Variants in ZDBF2 observed in about 807,000 individuals in gnomAD.
ZDBF2 encodes the protein DBF4-type zinc finger-containing protein 2.
In ZDBF2, 6 loss-of-function variants were observed where a neutral mutation model predicts 9.4. The ratio of observed to expected loss-of-function variants is 0.64; its 90% confidence interval spans 0.35 to 1.27. The LOEUF (loss-of-function observed/expected upper bound fraction) is 1.27. ZDBF2 is among the 50% of genes most tolerant of loss of function. The pLI is 0.03. For synonymous variants in ZDBF2, 905 were observed against 946.3 expected (o/e 0.96, Z 0.80); for missense variants, 2,697 against 2,766.8 (o/e 0.97, Z 0.57).
intron 3 of ZDBF2, among the ~76,000 whole-genome samples, chr2:206,286,462 C>G (rs1259349890): frequency 6.6e-6 from 1 of 151,730 alleles, no homozygotes; most frequent in Non-Finnish European, 1.5e-5. Context: ...GACTTAAAGT[C>G]TGTTTTATCT....
In ZDBF2 at chr2:206,310,717, T is replaced by G. The variant is rs781140132; in HGVS notation, c.6189T>G (p.Ser2063Arg). The G allele has an allele frequency of 6.2e-7, 1 of 1,613,642 alleles. No individual in the cohort carries two copies. The highest frequency in any genetic ancestry group is 8.5e-7 in the Non-Finnish European group (1 of 1,179,834). ...YEPLIKQIVI[S>R]PPLSVIVPEF... ...CCTTGATTAAGCAAATTGTAATTAG[T>G]CCTCCCCTGAGTGTAATAGTACCAG... Residue 2063 changes from serine (S) to arginine (R), a missense_variant, in exon 5 of 5, where the codon AGT becomes AGG. By Grantham distance (110) the Ser-to-Arg change is moderately radical (BLOSUM62 -1). Coordinates refer to ENST00000374423, the MANE Select transcript of ZDBF2 (RefSeq NM_020923.3).
At chr2:206,281,746 T>A (rs1691329447) in intron 2 of ZDBF2, 55 bp from the exon 3 acceptor site, 8 of 1,065,766 alleles carry the variant, frequency 7.5e-6, no homozygotes, top group Middle Eastern at 2.0e-4. Flanking sequence ...CATAGCCATT[T>A]TCCTCATAAG....
intron 1 of ZDBF2, among the ~76,000 whole-genome samples, chr2:206,278,273 T>A (rs1455243400): frequency 2.0e-5 from 3 of 152,226 alleles, no homozygotes; most frequent in Non-Finnish European, 4.4e-5. Flanking sequence ...TGTATTTTCT[T>A]ATTTTGTAAG....
chr2:206,311,436 G>C lies in ZDBF2; in HGVS notation c.6908G>C (p.Arg2303Thr), dbSNP rs762610627. 1.9e-6 allele frequency: 3 copies of C among 1,611,506 alleles called. No individual in the cohort carries two copies. The highest frequency in any genetic ancestry group is 2.5e-6 in the Non-Finnish European group (3 of 1,178,976). The change falls in exon 5 of 5, where the codon AGA becomes ACA. Residue 2303 changes from arginine to threonine, a missense_variant. Coordinates refer to ENST00000374423, the MANE Select transcript of ZDBF2 (RefSeq NM_020923.3). ...GTGCGGGCTTCTTGCCGCGTTGCAA[G>C]AAGGAGGAAGAAGACTGATGAAAGC... is the stretch of plus-strand genomic sequence containing the variant. ...RPVRASCRVA[R>T]RRKKTDESYH...
Position 206,310,002 on chromosome 2 carries a change from C to G in ZDBF2, c.5474C>G (p.Pro1825Arg). Residue 1825 changes from proline to arginine, a missense_variant, in exon 5 of 5, where the codon CCT (proline) becomes CGT (arginine). By Grantham distance (103) the Pro-to-Arg change is moderately radical (BLOSUM62 -2). Transcript: ENST00000374423. The part of the protein sequence containing the change: ...PVLEALPHVP[P>R]SFVGKTWSQI... ...CTTGAAGCCTTGCCTCATGTACCTCCTTCATTTGTGGGGAAAACATGGTCT... is the reference window on the plus strand; with the variant it reads ...CTTGAAGCCTTGCCTCATGTACCTCGTTCATTTGTGGGGAAAACATGGTCT... The G allele has an allele frequency of 6.2e-7, 1 of 1,612,914 alleles. No homozygotes were observed. The highest frequency in any genetic ancestry group is 8.5e-7 in the Non-Finnish European group (1 of 1,179,620).
rs867134374 is a variant in ZDBF2, at chr2:206,308,376, C to A, written c.3848C>A (p.Ser1283Tyr). The A allele has an allele frequency of 1.9e-6, 3 of 1,612,618 alleles. No individual in the cohort carries two copies. Among genetic ancestry groups the A allele is most frequent in the Admixed American group, 1.7e-5 (1 of 59,738 alleles). ...LENKIVKPTD[S>Y]RINFDSHEPL... ...AATAAGATTGTCAAACCTACAGATTCCAGAATAAATTTTGATTCTCATGAA... is the reference window on the plus strand; with the variant it reads ...AATAAGATTGTCAAACCTACAGATTACAGAATAAATTTTGATTCTCATGAA... Residue 1283 changes from serine to tyrosine, a missense_variant, in exon 5 of 5, where the codon TCC (serine) becomes TAC (tyrosine). Coordinates refer to ENST00000374423, the MANE Select transcript of ZDBF2 (RefSeq NM_020923.3).
At chr2:206,287,774 A>C (rs1048217254) in intron 3 of ZDBF2, among the ~76,000 whole-genome samples, 2 of 151,160 alleles carry the variant, frequency 1.3e-5, no homozygotes, top group East Asian at 3.9e-4. Flanking sequence ...TTTCCCTGTG[A>C]CTGGGTAATT....
Position 206,309,913 on chromosome 2 carries a change from T to C in ZDBF2, c.5385T>C (p.Val1795=). 6.2e-7 allele frequency: 1 copy of C among 1,613,988 alleles called. No homozygotes were observed. The highest frequency in any genetic ancestry group is 8.5e-7 in the Non-Finnish European group (1 of 1,179,900). The stretch of plus-strand genomic sequence containing the variant: ...CCCAGTCAAGCTCTGTTCTCAAGGT[T>C]GATTCTGTAAGGAACCTGAAAAAAG... ...HDSQSSSVLK[V]DSVRNLKKAK... Residue 1795 remains valine, a synonymous_variant, in exon 5 of 5, where the codon GTT becomes GTC. Transcript: ENST00000374423.
chr2:206,281,651 G>A, intron 2 of ZDBF2, 150 bp from the exon 3 acceptor site: 2 of 520,156 alleles, frequency 3.8e-6, no homozygotes, highest in Non-Finnish European at 6.8e-6. Flanking sequence ...CTCTGCTCCA[G>A]GTTCACTTAT....
chr2:206,294,477 A>G (rs571339562), intron 3 of ZDBF2, among the ~76,000 whole-genome samples: 2 of 152,232 alleles, frequency 1.3e-5, no homozygotes, highest in African/African-American at 2.4e-5. Flanking sequence ...GGATTTTAGT[A>G]TTTATTTTTG....
At position 206,313,034 on chromosome 2, in the gene ZDBF2, C is replaced by T. The variant is rs1228779848; in HGVS notation, c.*1441C>T. The T allele has an allele frequency of 1.3e-5, 2 of 152,104 alleles. No individual in the cohort carries two copies. The highest frequency in any genetic ancestry group is 2.9e-5 in the Non-Finnish European group (2 of 68,012). 9.4% of individuals were successfully genotyped at this position (152,104 alleles called of 1,614,324 possible). A position where few individuals can be genotyped will look rare whatever the true frequency, so the allele number is the denominator to read the frequency against. ...CAGATGCATTCAGTTGTCATTCATT[C>T]GTGTTAAGCCAAGATCCTGGATCTT... is the stretch of plus-strand genomic sequence containing the variant. On this transcript the variant is annotated 3_prime_UTR_variant, in exon 5 of 5. Transcript: ENST00000374423.
chr2:206,279,050 T>A (rs1018448271), intron 1 of ZDBF2, among the ~76,000 whole-genome samples: 18 of 152,196 alleles, frequency 1.2e-4, no homozygotes, highest in African/African-American at 2.9e-4. Context: ...TGATCCTGGA[T>A]AAGGAGCAGC....
At chr2:206,293,646 A>G (rs1045359875) in intron 3 of ZDBF2, among the ~76,000 whole-genome samples, 2 of 152,232 alleles carry the variant, frequency 1.3e-5, no homozygotes, top group Non-Finnish European at 2.9e-5. Flanking sequence ...AAAAGAGGAT[A>G]TCCAGATGGC....
In ZDBF2 at chr2:206,311,301, G is replaced by T. The variant is rs199821129; in HGVS notation, c.6773G>T (p.Arg2258Met). The part of the protein sequence containing the change: ...YLKKKKSVVS[R>M]LKKAKRTAKV... ...AAGAAGAAAAAATCTGTTGTCAGTA[G>T]GCTAAAGAAGGCGAAGAGAACAGCT... The change falls in exon 5 of 5, where the codon AGG becomes ATG. Residue 2258 changes from arginine (R) to methionine (M), a missense_variant. Arg to Met is a moderately conservative substitution (Grantham distance 91). Transcript: ENST00000374423. The T allele has an allele frequency of 1.2e-6, 2 of 1,605,638 alleles. No individual in the cohort carries two copies. Among genetic ancestry groups the T allele is most frequent in the African/African-American group, 2.7e-5 (2 of 74,864 alleles).
Position 206,306,501 on chromosome 2 carries a change from A to G in ZDBF2, c.1973A>G (p.Asp658Gly). Residue 658 changes from aspartate to glycine, a missense_variant, in exon 5 of 5, where the codon GAT (aspartate) becomes GGT (glycine). Physicochemically the swap from Asp to Gly is moderately conservative, Grantham distance 94 (BLOSUM62 -1). Coordinates refer to ENST00000374423, the MANE Select transcript of ZDBF2 (RefSeq NM_020923.3). ...LLKEKNADLM[D>G]MNCESHGPEM... ...AAGGAGAAGAATGCTGACCTTATGGATATGAACTGTGAATCCCATGGTCCT... is the reference window on the plus strand; with the variant it reads ...AAGGAGAAGAATGCTGACCTTATGGGTATGAACTGTGAATCCCATGGTCCT... 2 of 1,613,822 alleles carry G rather than the reference A, an allele frequency of 1.2e-6. No individual in the cohort carries two copies. The highest frequency in any genetic ancestry group is 1.3e-5 in the African/African-American group (1 of 75,048).
chr2:206,296,543 CAT>C (rs1692188218), intron 3 of ZDBF2, among the ~76,000 whole-genome samples: 2 of 152,090 alleles, frequency 1.3e-5, no homozygotes, highest in East Asian at 1.9e-4. Context: ...TAAGGAAAAA[CAT>C]ATATAGGTTT....
chr2:206,309,798 C>A lies in ZDBF2; in HGVS notation c.5270C>A (p.Pro1757Gln), dbSNP rs1693053031. ...EMNFQCAPPL[P>Q]SDTDQPQETV... ...AATTTTCAGTGTGCTCCCCCTCTTC[C>A]ATCTGATACTGATCAGCCTCAAGAA... Residue 1757 changes from proline to glutamine, a missense_variant, in exon 5 of 5, where the codon CCA (proline) becomes CAA (glutamine). Pro to Gln is a moderately conservative substitution (Grantham distance 76). This residue lies in a region of ZDBF2 where 1,783 missense variants were observed against 1,776.5 expected (regional missense o/e 1.00). Transcript: ENST00000374423. The A allele has an allele frequency of 6.2e-7, 1 of 1,613,790 alleles. No individual in the cohort carries two copies. The highest frequency in any genetic ancestry group is 8.5e-7 in the Non-Finnish European group (1 of 1,179,858).
intron 3 of ZDBF2, among the ~76,000 whole-genome samples, chr2:206,291,231 T>C (rs1291341330): frequency 3.9e-5 from 6 of 152,108 alleles, no homozygotes; most frequent in Admixed American, 3.3e-4. Flanking sequence ...AGGGGTGGTT[T>C]TGGGATTTAA....
chr2:206,285,409 A>G (rs1160939059), intron 3 of ZDBF2, among the ~76,000 whole-genome samples: 2 of 152,112 alleles, frequency 1.3e-5, no homozygotes, highest in Non-Finnish European at 1.5e-5. Context: ...GATGTTGAAC[A>G]TTTTTTAATA....
Sources: gnomAD v4.1 joint callset for allele counts (sites outside exome capture counted in the v4.1 genomes callset) on GRCh38, gnomAD v4.1.1 for gene constraint, gnomAD v4.1.1 regional missense constraint, MANE v1.5 for transcripts, NCBI Gene and HGNC (gene_info 2026-07-23, HGNC 2026-07-21) for gene names.